TNRC18: variants seen among roughly 807,000 people sequenced by gnomAD.
The protein encoded by TNRC18 is trinucleotide repeat-containing gene 18 protein.
Under a neutral mutation model 226.7 loss-of-function variants are expected in TNRC18, and 69 were observed. The ratio of observed to expected loss-of-function variants is 0.30; its 90% CI spans 0.25 to 0.37. TNRC18 has a LOEUF of 0.37. Among genes scored for constraint, TNRC18 ranks in the 10% least tolerant of loss-of-function variants. The probability of loss-of-function intolerance (pLI) is 1.00; values close to 1 mark genes in which losing one functional copy is unlikely to be tolerated. For synonymous variants in TNRC18, 2,449 were observed against 1,927.6 expected (o/e 1.27, Z -7.09); for missense variants, 4,754 against 4,256.6 (o/e 1.12, Z -3.25).
In TNRC18 at chr7:5,394,285, A is replaced by C. The variant is rs73057720; in HGVS notation, c.343+155T>G. On this transcript the variant is annotated intron_variant, in intron 3 of 29. Transcript: ENST00000430969. This position sits in a 1 kb window ranked among gnomAD's most constrained non-coding sequence, Gnocchi z 4.5. ...AATGCCCTGTGACAGTGACAAGAAG[A>C]AGCCCTGAGCGTTTGAGAAACAACA... is the stretch of plus-strand genomic sequence containing the variant. Among the ~76,000 whole-genome samples the C allele has an allele frequency of 4.1e-4, 62 of 152,232 alleles. No individual in the cohort carries two copies. Among genetic ancestry groups the C allele is most frequent in the African/African-American group, 7.5e-4 (31 of 41,544 alleles).
rs1786644357 is a variant in TNRC18, at chr7:5,307,317, G to A, written c.*789C>T. 6.5e-6 allele frequency: 1 copy of A among 153,802 alleles called. No individual in the cohort carries two copies. The highest frequency in any genetic ancestry group is 1.5e-5 in the Non-Finnish European group (1 of 68,830). The allele number at this position is 153,802 out of a possible 1,614,324, so 9.5% of individuals were successfully genotyped here. A position where few individuals can be genotyped will look rare whatever the true frequency, so the allele number is the denominator to read the frequency against. On this transcript the variant is annotated 3_prime_UTR_variant, in exon 30 of 30. Transcript: ENST00000430969. ...ATTAAAAAGTTGACTCCATTTAAAGGCTTATGATACAGGGGCGGGGCGAGT... is the reference window on the plus strand; with the variant it reads ...ATTAAAAAGTTGACTCCATTTAAAGACTTATGATACAGGGGCGGGGCGAGT...
chr7:5,394,589 G>T lies in TNRC18; in HGVS notation c.194C>A (p.Ala65Asp), dbSNP rs754978726. 53 of 1,544,996 alleles carry T rather than the reference G, an allele frequency of 3.4e-5. 1 individual carries two copies. Among genetic ancestry groups the T allele is most frequent in the South Asian group, 1.2e-4 (10 of 83,458 alleles). The change falls in exon 3 of 30, where the codon GCC becomes GAC. Residue 65 changes from alanine (A) to aspartate (D), a missense_variant. Transcript: ENST00000430969. This position sits in a 1 kb window ranked among gnomAD's most constrained non-coding sequence, Gnocchi z 4.5. Reference protein sequence around the residue: ...GLNLHPHPGEAFLGSFVASGM... With the variant: ...GLNLHPHPGEDFLGSFVASGM... The stretch of plus-strand genomic sequence containing the variant: ...GCTGGCCACAAAGCTGCCCAAGAAG[G>T]CCTCGCCTGCAGAGAGAAGTTGGGA...
intron 19 of TNRC18, 21 bp downstream of exon 19, chr7:5,332,601 C>T: frequency 6.6e-7 from 1 of 1,512,170 alleles, no homozygotes; most frequent in South Asian, 1.2e-5. Flanking sequence ...CTGCGGCACC[C>T]CCTCCCAGCG....
intron 2 of TNRC18, among the ~76,000 whole-genome samples, chr7:5,407,680 A>T (rs1209169486): frequency 6.6e-6 from 1 of 152,272 alleles, no homozygotes; most frequent in Non-Finnish European, 1.5e-5. Context: ...AAGGCGGCCA[A>T]GGAGAGGTCA....
intron 3 of TNRC18, among the ~76,000 whole-genome samples, chr7:5,393,761 C>A (rs1414571853): frequency 6.6e-6 from 1 of 152,178 alleles, no homozygotes; most frequent in Non-Finnish European, 1.5e-5. Context: ...CTAGAGAAAT[C>A]CAGAATCTGC....
At position 5,313,023 on chromosome 7, in the gene TNRC18, G is replaced by C. The variant is rs755008325; in HGVS notation, c.7868C>G (p.Ser2623Cys). 3 of 890,428 alleles carry C rather than the reference G, an allele frequency of 3.4e-6. No homozygotes were observed. The highest frequency in any genetic ancestry group is 2.0e-5 in the Admixed American group (1 of 48,956). The allele number at this position is 890,428 out of a possible 1,614,324, so 55.2% of individuals were successfully genotyped here. A position where few individuals can be genotyped will look rare whatever the true frequency, so the allele number is the denominator to read the frequency against. The change falls in exon 27 of 30, where the codon TCC becomes TGC. Residue 2623 changes from serine to cysteine, a missense_variant. Ser to Cys is a moderately radical substitution (Grantham distance 112). Coordinates refer to ENST00000430969, the MANE Select transcript of TNRC18 (RefSeq NM_001080495.3). ...ASSSSSSSSS[S>C]SSSSSSSSSS... ...GGAGGATGAGGAGGAGGAGGAGGAG[G>C]AGGAGGAGGATGAGGAGGAGGAGGA...
At chr7:5,347,947 C>A (rs762754107) in intron 17 of TNRC18, among the ~76,000 whole-genome samples, 2 of 151,988 alleles carry the variant, frequency 1.3e-5, no homozygotes, top group Non-Finnish European at 2.9e-5. Context: ...AGCAAGACTC[C>A]GTCTCAAAAA....
At chr7:5,392,829 G>A (rs1780396967) in intron 3 of TNRC18, among the ~76,000 whole-genome samples, 1 of 152,020 alleles carries the variant, frequency 6.6e-6, no homozygotes, top group Non-Finnish European at 1.5e-5. Flanking sequence ...GACACATGGT[G>A]AAACCCCAAC....
Position 5,361,577 on chromosome 7 carries a change from C to T in TNRC18, c.4661+17G>A, listed in dbSNP as rs763188003. ...AGCTGTGTGCCAGTCCCCGACCCAC[C>T]GAGGGGCCAGCCTTACTTTCCGCTA... On this transcript the variant is annotated intron_variant, in intron 14 of 29. Transcript: ENST00000430969. 1.7e-5 allele frequency: 25 copies of T among 1,495,536 alleles called. No individual in the cohort carries two copies. Among genetic ancestry groups the T allele is most frequent in the African/African-American group, 1.3e-4 (9 of 69,652 alleles). The allele number at this position is 1,495,536 out of a possible 1,614,324, so 92.6% of individuals were successfully genotyped here.
At chr7:5,416,157 G>A (rs1255561419) in intron 2 of TNRC18, among the ~76,000 whole-genome samples, 3 of 148,574 alleles carry the variant, frequency 2.0e-5, no homozygotes, top group Admixed American at 6.8e-5. Flanking sequence ...GCTCAAGCCT[G>A]TAATCTCAGC....
Position 5,412,244 on chromosome 7 carries a change from GAAAAAAAAAAA to G in TNRC18, c.187+8805_187+8815del, listed in dbSNP as rs55864404. Among the ~76,000 whole-genome samples, 135 of 71,874 alleles carry G rather than the reference GAAAAAAAAAAA, an allele frequency of 1.9e-3. 1 individual carries two copies. Among genetic ancestry groups the G allele is most frequent in the African/African-American group, 4.0e-3 (126 of 31,492 alleles). The allele number at this position is 71,874 out of a possible 152,430, so 47.2% of individuals were successfully genotyped here. On this transcript the variant is annotated intron_variant, in intron 2 of 29. Transcript: ENST00000430969. ...CCAGATATTCTAAGAAATTCCAAAT[GAAAAAAAAAAA>G]AAAAAAAAAAAGACATTAATTCCAG...
At chr7:5,422,262 C>G (rs1421478836) in intron 1 of TNRC18, among the ~76,000 whole-genome samples, 6 of 152,062 alleles carry the variant, frequency 3.9e-5, no homozygotes, top group Admixed American at 6.6e-5. Context: ...CCTGGCCTGG[C>G]GTGGGGGATT....
chr7:5,370,031 C>T (rs1330990641), intron 11 of TNRC18, among the ~76,000 whole-genome samples: 1 of 152,008 alleles, frequency 6.6e-6, no homozygotes, highest in African/African-American at 2.4e-5. Flanking sequence ...GTTTAAGAGG[C>T]CGGGCACAGC....
chr7:5,354,192 A>C (rs1188562412), intron 16 of TNRC18, among the ~76,000 whole-genome samples: 1 of 152,092 alleles, frequency 6.6e-6, no homozygotes, highest in Non-Finnish European at 1.5e-5. Context: ...AAAAACAGCA[A>C]AACTCCATCT....
rs1239933445 is a variant in TNRC18 at position 5,324,934 on chromosome 7, C to A, written c.6300+162G>T. On this transcript the variant is annotated intron_variant, in intron 20 of 29. Coordinates refer to ENST00000430969, the MANE Select transcript of TNRC18 (RefSeq NM_001080495.3). The surrounding 1 kb of genome is among the most constrained non-coding windows in gnomAD (Gnocchi z 4.8). ...CAGAGTCCCCAGTATCTCCTTATCC[C>A]TGGAGTGTGGGGACGGCCACATCAC... is the stretch of plus-strand genomic sequence containing the variant. Among the ~76,000 whole-genome samples, 2 of 152,192 alleles carry A rather than the reference C, an allele frequency of 1.3e-5. No individual in the cohort carries two copies. The highest frequency in any genetic ancestry group is 2.9e-5 in the Non-Finnish European group (2 of 68,024).
At chr7:5,389,467 T>TAC in intron 4 of TNRC18, 131 bp from the exon 5 acceptor site, 1 of 1,103,314 alleles carries the variant, frequency 9.1e-7, no homozygotes, top group Non-Finnish European at 1.1e-6. Flanking sequence ...TTTGGTTTTT[T>TAC]TTTTCAGAAA....
Position 5,387,679 on chromosome 7 carries a change from G to T in TNRC18, c.2145C>A (p.Asn715Lys). The change falls in exon 5 of 30, where the codon AAC (asparagine) becomes AAA (lysine). Residue 715 changes from asparagine (N) to lysine (K), a missense_variant. Transcript: ENST00000430969. The part of the protein sequence containing the change: ...VDQERSLSLS[N>K]VKGHGRADED... The stretch of plus-strand genomic sequence containing the variant: ...GCTCTGCCCAGGACCTACCTTTGAC[G>T]TTACTCAGCGACAGAGAGCGCTCCT... 1 of 1,603,976 alleles carries T rather than the reference G, an allele frequency of 6.2e-7. No individual in the cohort carries two copies.
intron 25 of TNRC18, 140 bp from the exon 26 acceptor site, chr7:5,315,288 G>C (rs1465972946): frequency 5.8e-6 from 5 of 866,320 alleles, no homozygotes; most frequent in Non-Finnish European, 6.8e-6. Context: ...GGGCTCCCAT[G>C]ACAGGCTGTG....
intron 16 of TNRC18, among the ~76,000 whole-genome samples, chr7:5,353,054 G>T (rs930183533): frequency 6.9e-6 from 1 of 144,692 alleles, no homozygotes; most frequent in Non-Finnish European, 1.5e-5. Flanking sequence ...ACTCCAGCAA[G>T]ACCCCAACCT....
Sources: allele counts gnomAD v4.1 joint callset (sites outside exome capture counted in the v4.1 genomes callset), GRCh38; gene constraint gnomAD v4.1.1; non-coding constraint Gnocchi (gnomAD v3.1); transcripts MANE v1.5; gene names NCBI Gene and HGNC (gene_info 2026-07-23, HGNC 2026-07-21).